CKAP2L: variants seen among roughly 807,000 people sequenced by gnomAD.
The protein encoded by CKAP2L is cytoskeleton associated protein 2L, also known as cytoskeleton-associated protein 2-like.
A neutral mutation model predicts 65.7 loss-of-function variants in CKAP2L; 42 were observed. That is an observed-to-expected ratio of 0.64 (90% CI 0.50 to 0.83). The LOEUF is 0.83. Ranked by LOEUF, CKAP2L falls within the 40% of genes least tolerant of loss-of-function variation. CKAP2L has a pLI of 0.00. For missense variants in CKAP2L, 908 were observed against 871.0 expected (o/e 1.04, Z -0.53); for synonymous variants, 325 against 313.5 (o/e 1.04, Z -0.39).
chr2:112,762,709 T>C, intron 1 of CKAP2L, 140 bp from the exon 2 acceptor site: 2 of 653,674 alleles, frequency 3.1e-6, no homozygotes, highest in Admixed American at 2.4e-5. Context: ...GTCCTATAAA[T>C]GTGCCTTCAA....
intron 3 of CKAP2L, among the ~76,000 whole-genome samples, chr2:112,760,219 G>A (rs952054303): frequency 2.6e-5 from 4 of 152,130 alleles, no homozygotes; most frequent in Admixed American, 6.5e-5. Context: ...TAAGTGGCTT[G>A]GAAGGTTCAA....
Position 112,740,883 on chromosome 2 carries a change from G to A in CKAP2L, c.1947C>T (p.Pro649=), listed in dbSNP as rs1487332209. Residue 649 remains proline (P), a synonymous_variant, in exon 8 of 9, where the codon CCC becomes CCT. Coordinates refer to ENST00000302450, the MANE Select transcript of CKAP2L (RefSeq NM_152515.5). Reference sequence around the variant, plus strand: ...TATGCTGTTCTGCCTTGGCTATTCGGGGTGTCGCCGTGACTTGTTCCCTCT... The same window carrying A: ...TATGCTGTTCTGCCTTGGCTATTCGAGGTGTCGCCGTGACTTGTTCCCTCT... ...PKEREQVTAT[P]RIAKAEQHNY... The A allele has an allele frequency of 3.7e-6, 6 of 1,613,858 alleles. No homozygotes were observed. Among genetic ancestry groups the A allele is most frequent in the Non-Finnish European group, 5.1e-6 (6 of 1,179,954 alleles).
chr2:112,760,915 CCTT>C (rs1362833375), intron 2 of CKAP2L, 151 bp from the exon 3 acceptor site: 4 of 581,090 alleles, frequency 6.9e-6, no homozygotes, highest in African/African-American at 6.0e-5. Context: ...AATAAAGTCT[CCTT>C]ATCATCATTT....
chr2:112,761,692 T>C (rs1389012029), intron 2 of CKAP2L, among the ~76,000 whole-genome samples: 6 of 152,152 alleles, frequency 3.9e-5, no homozygotes, highest in Non-Finnish European at 5.9e-5. Context: ...GGACTTTGAT[T>C]ATGACTTGTT....
In CKAP2L at chr2:112,756,431, T is replaced by C. The variant is rs769290334; in HGVS notation, c.940A>G (p.Asn314Asp). The stretch of plus-strand genomic sequence containing the variant: ...GGGTATGACCGTATCTTAGTTTCAT[T>C]TGGTCTTTCATATTGACTCCTATTA... The part of the protein sequence containing the change: ...KVNRSQYERP[N>D]ETKIRSYPVT... Residue 314 changes from asparagine (N) to aspartate (D), a missense_variant, in exon 4 of 9, where the codon AAT becomes GAT. Asn to Asp is a conservative substitution (Grantham distance 23). Coordinates refer to ENST00000302450, the MANE Select transcript of CKAP2L (RefSeq NM_152515.5). 18 of 1,613,890 alleles carry C rather than the reference T, an allele frequency of 1.1e-5. No homozygotes were observed. Among genetic ancestry groups the C allele is most frequent in the Non-Finnish European group, 1.4e-5 (17 of 1,179,938 alleles).
At chr2:112,761,158 C>A (rs1024122026) in intron 2 of CKAP2L, among the ~76,000 whole-genome samples, 3 of 152,034 alleles carry the variant, frequency 2.0e-5, no homozygotes, top group African/African-American at 7.2e-5. Flanking sequence ...AAACCATTAA[C>A]TGCTTCTTTA....
chr2:112,764,571 C>G lies in CKAP2L; in HGVS notation c.28G>C (p.Ala10Pro), dbSNP rs765467625. ...CAGCGGTCGTACTCACCGACAGCGG[C>G]AGCAGCGGTAGGCCCGGGCCCCACC... is the stretch of plus-strand genomic sequence containing the variant. MVGPGPTAA[A>P]AVEERQRKLQ... is the part of the protein sequence containing the mutation. Residue 10 changes from alanine to proline, a missense_variant, in exon 1 of 9, where the codon GCC (alanine) becomes CCC (proline). Transcript: ENST00000302450. 1 of 1,614,084 alleles carries G rather than the reference C, an allele frequency of 6.2e-7. No homozygotes were observed. Among genetic ancestry groups the G allele is most frequent in the African/African-American group, 1.3e-5 (1 of 74,948 alleles).
chr2:112,762,901 A>G (rs1223243832), intron 1 of CKAP2L, among the ~76,000 whole-genome samples: 1 of 151,770 alleles, frequency 6.6e-6, no homozygotes, highest in Non-Finnish European at 1.5e-5. Flanking sequence ...CTCACACCTC[A>G]GTCTCCTGAG....
chr2:112,761,011 G>A (rs1358670433), intron 2 of CKAP2L, among the ~76,000 whole-genome samples: 3 of 150,984 alleles, frequency 2.0e-5, no homozygotes, highest in African/African-American at 7.3e-5. Context: ...TACAGAGACT[G>A]TCTATACATA....
At chr2:112,755,059 C>G (rs1194221695) in intron 4 of CKAP2L, among the ~76,000 whole-genome samples, 7 of 152,204 alleles carry the variant, frequency 4.6e-5, no homozygotes, top group African/African-American at 1.7e-4. Context: ...CTGTACCAAG[C>G]TGTACCTTGC....
At chr2:112,760,867 G>A in intron 2 of CKAP2L, 103 bp from the exon 3 acceptor site, 1 of 661,608 alleles carries the variant, frequency 1.5e-6, no homozygotes, top group South Asian at 1.8e-5. Flanking sequence ...TAAATAATTA[G>A]AATTTCTGTA....
In CKAP2L at chr2:112,756,051, T is replaced by C. The variant is rs1680521844; in HGVS notation, c.1320A>G (p.Gln440=). The C allele has an allele frequency of 6.2e-7, 1 of 1,613,478 alleles. No individual in the cohort carries two copies. Among genetic ancestry groups the C allele is most frequent in the South Asian group, 1.1e-5 (1 of 90,896 alleles). Residue 440 remains glutamine (Q), a synonymous_variant, in exon 4 of 9, where the codon CAA becomes CAG. Transcript: ENST00000302450. ...HFLNKTAPKT[Q]ADVTTVNGTQ... is the part of the protein sequence containing the mutation. ...TCCCATTTACGGTTGTGACATCAGC[T>C]TGAGTTTTGGGAGCTGTCTTGTTCA... is the stretch of plus-strand genomic sequence containing the variant.
At chr2:112,762,448 T>G in intron 2 of CKAP2L, 55 bp downstream of exon 2, 1 of 1,327,758 alleles carries the variant, frequency 7.5e-7, no homozygotes, top group Non-Finnish European at 1.1e-6. Flanking sequence ...AGGCTTTAAA[T>G]TGCTAGTACA....
Position 112,737,626 on chromosome 2 carries a change from C to T in CKAP2L, c.*1197G>A, listed in dbSNP as rs1176221977. ...TCTTATTGAAAGTCTGCTGGTATTACAGGTTTATAGCTCAGTTTTTTGAGC... is the reference window on the plus strand; with the variant it reads ...TCTTATTGAAAGTCTGCTGGTATTATAGGTTTATAGCTCAGTTTTTTGAGC... On this transcript the variant is annotated 3_prime_UTR_variant, in exon 9 of 9. Coordinates refer to ENST00000302450, the MANE Select transcript of CKAP2L (RefSeq NM_152515.5). The T allele has an allele frequency of 6.6e-6, 1 of 152,102 alleles. No individual in the cohort carries two copies. The highest frequency in any genetic ancestry group is 1.5e-5 in the Non-Finnish European group (1 of 68,024). The allele number at this position is 152,102 out of a possible 1,614,324, so 9.4% of individuals were successfully genotyped here.
At chr2:112,752,497 G>A in intron 4 of CKAP2L, 23 bp from the exon 5 acceptor site, 1 of 1,469,438 alleles carries the variant, frequency 6.8e-7, no homozygotes, top group Non-Finnish European at 9.4e-7. Context: ...TAAAGGGAGA[G>A]TGGTTTTATT....
At chr2:112,741,807 C>T (rs1385182337) in intron 7 of CKAP2L, among the ~76,000 whole-genome samples, 1 of 152,056 alleles carries the variant, frequency 6.6e-6, no homozygotes, top group Non-Finnish European at 1.5e-5. Flanking sequence ...GTTGTCCAGG[C>T]TGGAGTGCAG....
At chr2:112,760,648 T>C in intron 3 of CKAP2L, 65 bp downstream of exon 3, 1 of 803,040 alleles carries the variant, frequency 1.2e-6, no homozygotes, top group Non-Finnish European at 2.0e-6. Context: ...GCTAACATCT[T>C]TATTATTTTT....
Position 112,738,734 on chromosome 2 carries a change from C to T in CKAP2L, c.*89G>A. The T allele has an allele frequency of 1.2e-6, 1 of 823,710 alleles. No homozygotes were observed. Among genetic ancestry groups the T allele is most frequent in the East Asian group, 2.6e-5 (1 of 38,566 alleles). 51.0% of individuals were successfully genotyped at this position (823,710 alleles called of 1,614,324 possible). A position where few individuals can be genotyped will look rare whatever the true frequency, so the allele number is the denominator to read the frequency against. On this transcript the variant is annotated 3_prime_UTR_variant, in exon 9 of 9. Transcript: ENST00000302450. The stretch of plus-strand genomic sequence containing the variant: ...GCGTCCATAATCTGCATCCATGATG[C>T]CTCTCTTTTTTTCCAGGTCACTTGG...
chr2:112,762,621 C>A, intron 1 of CKAP2L, 52 bp from the exon 2 acceptor site: 1 of 1,419,596 alleles, frequency 7.0e-7, no homozygotes, highest in East Asian at 2.3e-5. Context: ...AAGATTTTAA[C>A]CAGTTCATTA....
Sources: gnomAD v4.1 joint callset for allele counts (sites outside exome capture counted in the v4.1 genomes callset) on GRCh38, gnomAD v4.1.1 for gene constraint, MANE v1.5 for transcripts, NCBI Gene and HGNC (gene_info 2026-07-23, HGNC 2026-07-21) for gene names.